CCDC102A: variants seen among roughly 807,000 people sequenced by gnomAD.
CCDC102A encodes coiled-coil domain-containing protein 102A.
A neutral mutation model predicts 55.5 loss-of-function variants in CCDC102A; 40 were observed. The observed-to-expected ratio is 0.72, with a 90% confidence interval of 0.56 to 0.94. CCDC102A has a LOEUF of 0.94. CCDC102A is among the 40% of genes least tolerant of loss of function. The pLI, the probability that CCDC102A is intolerant of heterozygous loss-of-function variation, is 0.00. For synonymous variants in CCDC102A, 323 were observed against 339.0 expected (o/e 0.95, Z 0.52); for missense variants, 779 against 768.6 (o/e 1.01, Z -0.16).
At chr16:57,517,963 A>C in intron 6 of CCDC102A, 105 bp downstream of exon 6, 1 of 1,282,994 alleles carries the variant, frequency 7.8e-7, no homozygotes, top group Non-Finnish European at 1.1e-6. Context: ...GAATACATGC[A>C]GCTACCATAA....
intron 1 of CCDC102A, among the ~76,000 whole-genome samples, chr16:57,532,609 C>G (rs2032287378): frequency 6.6e-6 from 1 of 152,130 alleles, no homozygotes; most frequent in African/African-American, 2.4e-5. Flanking sequence ...CCTGTAGACA[C>G]AGACACGCCT....
chr16:57,519,725 A>G (rs572851536), intron 4 of CCDC102A, among the ~76,000 whole-genome samples: 1 of 152,232 alleles, frequency 6.6e-6, no homozygotes, highest in Non-Finnish European at 1.5e-5. Flanking sequence ...GAAAAGACTA[A>G]AAGAACAGGG....
At chr16:57,515,295 T>A in intron 8 of CCDC102A, 46 bp downstream of exon 8, 1 of 1,234,690 alleles carries the variant, frequency 8.1e-7, no homozygotes, top group Middle Eastern at 1.8e-4. Flanking sequence ...GAGGGTTCCC[T>A]GGCTGGAAGT....
In CCDC102A at chr16:57,528,639, C is replaced by T. The variant is rs1267590325; in HGVS notation, c.539G>A (p.Arg180His). Reference protein sequence around the residue: ...TRDGPEPEAEREPVRDVGSER... With the variant: ...TRDGPEPEAEHEPVRDVGSER... Reference sequence around the variant, plus strand: ...GGACCCGACGTCACGCACTGGCTCGCGCTCCGCTTCCGGCTCGGGGCCGTC... The same window carrying T: ...GGACCCGACGTCACGCACTGGCTCGTGCTCCGCTTCCGGCTCGGGGCCGTC... Residue 180 changes from arginine to histidine, a missense_variant, in exon 2 of 9, where the codon CGC (arginine) becomes CAC (histidine). Coordinates refer to ENST00000258214, the MANE Select transcript of CCDC102A (RefSeq NM_033212.4). 8.2e-7 allele frequency: 1 copy of T among 1,219,254 alleles called. No homozygotes were observed. The highest frequency in any genetic ancestry group is 1.0e-6 in the Non-Finnish European group (1 of 972,240). 75.5% of individuals were successfully genotyped at this position (1,219,254 alleles called of 1,614,324 possible).
At chr16:57,521,006 A>T in intron 4 of CCDC102A, 62 bp downstream of exon 4, 2 of 999,552 alleles carry the variant, frequency 2.0e-6, no homozygotes, top group African/African-American at 1.6e-5. Flanking sequence ...CATCTCCACT[A>T]CTGAAATTCA....
At position 57,518,109 on chromosome 16, in the gene CCDC102A, C is replaced by A; in HGVS notation, c.1207G>T (p.Asp403Tyr). 1 of 1,607,520 alleles carries A rather than the reference C, an allele frequency of 6.2e-7. No individual in the cohort carries two copies. Among genetic ancestry groups the A allele is most frequent in the Non-Finnish European group, 8.5e-7 (1 of 1,179,194 alleles). Residue 403 changes from aspartate (D) to tyrosine (Y), a missense_variant, in exon 6 of 9, where the codon GAC (aspartate) becomes TAC (tyrosine). Asp to Tyr is a radical substitution (Grantham distance 160). Transcript: ENST00000258214. ...RRQTASALDC[D>Y]LRASQAALFE... Reference sequence around the variant, plus strand: ...AGCGCGGCCTGGCTGGCCCTCAGGTCGCAGTCCAGTGCGCTGGCTGTTTGC... The same window carrying A: ...AGCGCGGCCTGGCTGGCCCTCAGGTAGCAGTCCAGTGCGCTGGCTGTTTGC...
chr16:57,529,160 G>A lies in CCDC102A; in HGVS notation c.18C>T (p.Ser6=). The A allele has an allele frequency of 1.7e-6, 2 of 1,184,494 alleles. No homozygotes were observed. The highest frequency in any genetic ancestry group is 2.1e-6 in the Non-Finnish European group (2 of 957,058). 73.4% of individuals were successfully genotyped at this position (1,184,494 alleles called of 1,614,324 possible). The stretch of plus-strand genomic sequence containing the variant: ...GCTGCGGGGACTCGGCCAGCCGGGG[G>A]CTGGGCCCGTGGCTCATGGTGCGGC... The part of the protein sequence containing the change: MSHGP[S]PRLAESPQLS... The change falls in exon 2 of 9, where the codon AGC becomes AGT. Residue 6 remains serine, a synonymous_variant. Transcript: ENST00000258214. The surrounding 1 kb of genome is among the most constrained non-coding windows in gnomAD (Gnocchi z 4.1).
rs189623027 is a variant in CCDC102A, at chr16:57,530,018, A to G, written c.-147-694T>C. On this transcript the variant is annotated intron_variant, in intron 1 of 8. Transcript: ENST00000258214. ...AAGAGTGGAGGTGAAGAAAATGATTACCTCCATTTATGGTATCTATGAGTA... is the reference window on the plus strand; with the variant it reads ...AAGAGTGGAGGTGAAGAAAATGATTGCCTCCATTTATGGTATCTATGAGTA... 1.4e-3 allele frequency among the ~76,000 whole-genome samples: 218 copies of G among 152,184 alleles called. 1 individual carries two copies. The highest frequency in any genetic ancestry group is 6.0e-3 in the Admixed American group (92 of 15,286).
In CCDC102A at chr16:57,518,248, C is replaced by T. The variant is rs772655850; in HGVS notation, c.1068G>A (p.Ala356=). The T allele has an allele frequency of 1.9e-5, 31 of 1,610,902 alleles. No homozygotes were observed. Among genetic ancestry groups the T allele is most frequent in the African/African-American group, 2.7e-5 (2 of 74,954 alleles). The change falls in exon 6 of 9, where the codon GCG becomes GCA. Residue 356 remains alanine (A), a synonymous_variant. Coordinates refer to ENST00000258214, the MANE Select transcript of CCDC102A (RefSeq NM_033212.4). ...EMERLQAENA[A]EWGRRERLET... is the part of the protein sequence containing the mutation. ...CCAGCCGCTCCCGGCGGCCCCACTC[C>T]GCAGCGTTTTCGGCCTGCAGCCGCT... is the stretch of plus-strand genomic sequence containing the variant.
rs377640942 is a variant in CCDC102A, at chr16:57,518,812, G to A, written c.922-71C>T. 5 of 1,257,220 alleles carry A rather than the reference G, an allele frequency of 4.0e-6. No individual in the cohort carries two copies. The East Asian group carries it at 7.6e-5, about 19-fold the overall frequency. The allele number at this position is 1,257,220 out of a possible 1,614,324, so 77.9% of individuals were successfully genotyped here. A position where few individuals can be genotyped will look rare whatever the true frequency, so the allele number is the denominator to read the frequency against. On this transcript the variant is annotated intron_variant, in intron 4 of 8. Transcript: ENST00000258214. Reference sequence around the variant, plus strand: ...AGCCTGGAACCACCTCCGGGGGTGGGCGCCAGTGCAGGAGTGCTCAGCGTG... The same window carrying A: ...AGCCTGGAACCACCTCCGGGGGTGGACGCCAGTGCAGGAGTGCTCAGCGTG...
chr16:57,536,839 G>C (rs962623034), upstream of CCDC102A, among the ~76,000 whole-genome samples: 5 of 152,288 alleles, frequency 3.3e-5, no homozygotes, highest in Middle Eastern at 6.8e-3. Context: ...GGGGGGGCTC[G>C]GCTTTCTTGG....
intron 7 of CCDC102A, 39 bp from the exon 8 acceptor site, chr16:57,515,483 C>T: frequency 1.4e-6 from 2 of 1,415,170 alleles, no homozygotes; most frequent in Non-Finnish European, 2.0e-6. Context: ...GAGGGTCACC[C>T]AGGGCTGGGC....
rs2031950984 is a variant in CCDC102A at position 57,516,150 on chromosome 16, C to T, written c.1419+143G>A. The stretch of plus-strand genomic sequence containing the variant: ...CTGCCATCCATTCATCACGCACCTA[C>T]CCACTCTATCCTGGGCGACTCCTGA... On this transcript the variant is annotated intron_variant, in intron 7 of 8. Coordinates refer to ENST00000258214, the MANE Select transcript of CCDC102A (RefSeq NM_033212.4). This position sits in a 1 kb window ranked among gnomAD's most constrained non-coding sequence, Gnocchi z 4.4. 41 of 731,834 alleles carry T rather than the reference C, an allele frequency of 5.6e-5. No individual in the cohort carries two copies. The South Asian group carries it at 7.3e-4, about 13-fold the overall frequency. 45.3% of individuals were successfully genotyped at this position (731,834 alleles called of 1,614,324 possible).
At chr16:57,534,781 G>T (rs2032340158) in intron 1 of CCDC102A, among the ~76,000 whole-genome samples, 1 of 152,238 alleles carries the variant, frequency 6.6e-6, no homozygotes, top group South Asian at 2.1e-4. Flanking sequence ...CTCTGAGACA[G>T]GTAGGTATCT....
At chr16:57,520,977 A>G (rs1464173795) in intron 4 of CCDC102A, 91 bp downstream of exon 4, 36 of 824,586 alleles carry the variant, frequency 4.4e-5, no homozygotes, top group Non-Finnish European at 6.7e-5. Context: ...GGATGAATTA[A>G]TGAATGAATT....
chr16:57,531,121 A>G (rs1315397967), intron 1 of CCDC102A, among the ~76,000 whole-genome samples: 1 of 151,186 alleles, frequency 6.6e-6, no homozygotes, highest in Non-Finnish European at 1.5e-5. Context: ...CCCCAACTCC[A>G]AGTCCCTCTC....
chr16:57,517,959 A>T (rs2031984045), intron 6 of CCDC102A, 109 bp downstream of exon 6: 4 of 1,259,474 alleles, frequency 3.2e-6, no homozygotes, highest in South Asian at 1.4e-5. Flanking sequence ...TGCTGAATAC[A>T]TGCAGCTACC....
chr16:57,528,992 C>CGCGGGCGCGGGGGGCAGGGGCAGT lies in CCDC102A; in HGVS notation c.162_185dup (p.Pro56_Leu63dup). 1 of 1,152,712 alleles carries CGCGGGCGCGGGGGGCAGGGGCAGT rather than the reference C, an allele frequency of 8.7e-7. No individual in the cohort carries two copies. Among genetic ancestry groups the CGCGGGCGCGGGGGGCAGGGGCAGT allele is most frequent in the Non-Finnish European group, 1.1e-6 (1 of 932,308 alleles). 71.4% of individuals were successfully genotyped at this position (1,152,712 alleles called of 1,614,324 possible). A position where few individuals can be genotyped will look rare whatever the true frequency, so the allele number is the denominator to read the frequency against. ...TCTCCCAGTCGCCGTCGGCCAGCAG[C>CGCGGGCGCGGGGGGCAGGGGCAGT]GCGGGCGCGGGGGGCAGGGGCAGTG... is the stretch of plus-strand genomic sequence containing the variant. On this transcript the variant is annotated inframe_insertion, in exon 2 of 9. Coordinates refer to ENST00000258214, the MANE Select transcript of CCDC102A (RefSeq NM_033212.4).
intron 1 of CCDC102A, among the ~76,000 whole-genome samples, chr16:57,532,446 T>G (rs1259164958): frequency 2.6e-5 from 4 of 152,150 alleles, no homozygotes; most frequent in African/African-American, 9.7e-5. Flanking sequence ...TGCAGTGAGC[T>G]GGCTGGCCTT....
Sources: gnomAD v4.1 joint callset for allele counts (sites outside exome capture counted in the v4.1 genomes callset) on GRCh38, gnomAD v4.1.1 for gene constraint, Gnocchi (gnomAD v3.1) non-coding constraint, MANE v1.5 for transcripts, NCBI Gene and HGNC (gene_info 2026-07-23, HGNC 2026-07-21) for gene names.